Variants in NTM observed in about 807,000 individuals in gnomAD.
The protein encoded by NTM is IgLON family member 2.
In NTM, 13 loss-of-function variants were observed where a neutral mutation model predicts 42.1. That is an observed-to-expected ratio of 0.31 (90% confidence interval 0.20 to 0.49). The LOEUF (loss-of-function observed/expected upper bound fraction) is 0.49. Ranked by LOEUF, NTM falls within the 20% of genes least tolerant of loss-of-function variation. The pLI, the probability that NTM is intolerant of heterozygous loss-of-function variation, is 0.99. For synonymous variants in NTM, 187 were observed against 179.2 expected (o/e 1.04, Z -0.35); for missense variants, 373 against 452.8 (o/e 0.82, Z 1.60).
chr11:131,473,029 T>C (rs1055066954), intron 1 of NTM, among the ~76,000 whole-genome samples: 1 of 152,210 alleles, frequency 6.6e-6, no homozygotes, highest in Non-Finnish European at 1.5e-5. Context: ...CTAATAACAA[T>C]GAAAATAATA....
At chr11:131,612,408 G>C (rs1034478534) in intron 1 of NTM, among the ~76,000 whole-genome samples, 1 of 152,244 alleles carries the variant, frequency 6.6e-6, no homozygotes, top group South Asian at 2.1e-4. Context: ...AAATGTACTA[G>C]AACTGTGGAG....
At chr11:131,451,477 A>G (rs1436938563) in intron 1 of NTM, among the ~76,000 whole-genome samples, 2 of 152,182 alleles carry the variant, frequency 1.3e-5, no homozygotes, top group South Asian at 2.1e-4. Flanking sequence ...GGCTTTGTGG[A>G]AGAGCGAGAC....
At position 132,222,758 on chromosome 11, in the gene NTM, C is replaced by A. The variant is rs958132318; in HGVS notation, c.526+10611C>A. The stretch of plus-strand genomic sequence containing the variant: ...GGTTCTTCTCTGCTTACTGCCCTCA[C>A]CCCCCACGCACCCCACCCTGAAAAA... On this transcript the variant is annotated intron_variant, in intron 4 of 8. Transcript: ENST00000683400. Among the ~76,000 whole-genome samples, 9 of 152,120 alleles carry A rather than the reference C, an allele frequency of 5.9e-5. No individual in the cohort carries two copies. In the South Asian group the frequency reaches 1.9e-3, roughly 32 times the overall value.
At chr11:132,070,262 C>G (rs1594324526) in intron 2 of NTM, among the ~76,000 whole-genome samples, 1 of 140,950 alleles carries the variant, frequency 7.1e-6, no homozygotes, top group African/African-American at 2.6e-5. Flanking sequence ...GTCAAACTGA[C>G]CATCACAGGT....
At chr11:131,752,570 C>CT (rs1205056065) in intron 1 of NTM, among the ~76,000 whole-genome samples, 1 of 152,126 alleles carries the variant, frequency 6.6e-6, no homozygotes, top group Non-Finnish European at 1.5e-5. Flanking sequence ...AATCACGTTG[C>CT]TATAAAGACA....
intron 1 of NTM, among the ~76,000 whole-genome samples, chr11:131,506,815 A>G (rs1466916676): frequency 6.6e-6 from 1 of 152,218 alleles, no homozygotes; most frequent in African/African-American, 2.4e-5. Flanking sequence ...ACCTAAGGAT[A>G]TCTACCAAAA....
At chr11:131,374,758 A>C (rs2135481154) in intron 1 of NTM, among the ~76,000 whole-genome samples, 1 of 152,282 alleles carries the variant, frequency 6.6e-6, no homozygotes, top group South Asian at 2.1e-4. Context: ...CTTGGGATGA[A>C]GTGAGCTCTC....
intron 1 of NTM, chr11:131,534,850 G>A (rs1487284210): frequency 6.6e-6 from 1 of 152,228 alleles, no homozygotes; most frequent in Non-Finnish European, 1.5e-5. Flanking sequence ...TGAGCATGCT[G>A]AGCCCTTGAT....
chr11:131,891,404 G>A (rs1038848497), intron 1 of NTM, among the ~76,000 whole-genome samples: 2 of 152,196 alleles, frequency 1.3e-5, no homozygotes, highest in Non-Finnish European at 2.9e-5. Flanking sequence ...GTTGGGGAAA[G>A]CACTTGGGAA....
intron 4 of NTM, among the ~76,000 whole-genome samples, chr11:132,305,026 A>G (rs925061057): frequency 1.1e-4 from 17 of 152,236 alleles, no homozygotes; most frequent in African/African-American, 3.6e-4. Context: ...TGACATAAAT[A>G]TACAAAACTA....
chr11:131,870,064 G>A (rs562843020), intron 1 of NTM, among the ~76,000 whole-genome samples: 4 of 152,316 alleles, frequency 2.6e-5, no homozygotes, highest in South Asian at 4.1e-4. Flanking sequence ...TCACCTTCAG[G>A]AGGTGAAGCT....
At chr11:131,975,190 C>CTT (rs143357935) in intron 2 of NTM, among the ~76,000 whole-genome samples, 4 of 151,080 alleles carry the variant, frequency 2.6e-5, no homozygotes, top group East Asian at 2.0e-4. Flanking sequence ...ATCTTGCCTT[C>CTT]TTTTTTTTTG....
intron 2 of NTM, among the ~76,000 whole-genome samples, chr11:131,989,742 CATGA>C (rs2066696648): frequency 6.0e-5 from 9 of 149,362 alleles, no homozygotes; most frequent in Admixed American, 6.0e-4. Context: ...CACACACACA[CATGA>C]ACACATACAC....
At chr11:131,792,694 C>A (rs1186960302) in intron 1 of NTM, among the ~76,000 whole-genome samples, 3 of 152,192 alleles carry the variant, frequency 2.0e-5, no homozygotes, top group Non-Finnish European at 2.9e-5. Flanking sequence ...GGGCACGGTG[C>A]CTTCACACTG....
intron 3 of NTM, among the ~76,000 whole-genome samples, chr11:132,199,636 T>A (rs550614067): frequency 6.6e-6 from 1 of 152,130 alleles, no homozygotes; most frequent in South Asian, 2.1e-4. Context: ...TTCACTGACA[T>A]CCTGATGGGC....
chr11:132,317,994 T>C (rs564697356), intron 7 of NTM, among the ~76,000 whole-genome samples: 1 of 152,312 alleles, frequency 6.6e-6, no homozygotes, highest in African/African-American at 2.4e-5. Context: ...CTGGGACCCA[T>C]AGGAAGACTA....
At chr11:131,522,855 A>G (rs2049942669) in intron 1 of NTM, among the ~76,000 whole-genome samples, 1 of 152,242 alleles carries the variant, frequency 6.6e-6, no homozygotes, top group Non-Finnish European at 1.5e-5. Flanking sequence ...CTTAGCAGCC[A>G]TTTAAAACAT....
At chr11:131,583,158 T>TTA (rs779374860) in intron 1 of NTM, among the ~76,000 whole-genome samples, 31 of 152,300 alleles carry the variant, frequency 2.0e-4, no homozygotes, top group Non-Finnish European at 3.2e-4. Flanking sequence ...ACAGAGCAGA[T>TTA]TATGTTCCAT....
chr11:131,576,804 G>A (rs2057978005), intron 1 of NTM, among the ~76,000 whole-genome samples: 1 of 152,158 alleles, frequency 6.6e-6, no homozygotes, highest in African/African-American at 2.4e-5. Context: ...TGACTACCTG[G>A]ATTGAATCTT....
Sources: gnomAD v4.1 joint callset for allele counts (sites outside exome capture counted in the v4.1 genomes callset) on GRCh38, gnomAD v4.1.1 for gene constraint, MANE v1.5 for transcripts, NCBI Gene and HGNC (gene_info 2026-07-23, HGNC 2026-07-21) for gene names.